The following SUGCT variants were observed in gnomAD, a reference collection of about 807,000 sequenced individuals.
SUGCT encodes the protein succinyl-CoA:glutarate-CoA transferase, also known as succinyl-CoA:glutarate CoA-transferase.
A neutral mutation model predicts 55.0 loss-of-function variants in SUGCT; 41 were observed. The observed-to-expected ratio is 0.74, with a 90% CI of 0.58 to 0.97. SUGCT has a LOEUF of 0.97. SUGCT is among the 50% of genes least tolerant of loss of function. The probability of loss-of-function intolerance (pLI) is 0.00; values close to 1 mark genes in which losing one functional copy is unlikely to be tolerated. For synonymous variants in SUGCT, 187 were observed against 200.4 expected (o/e 0.93, Z 0.56); for missense variants, 568 against 547.8 (o/e 1.04, Z -0.37).
At chr7:40,812,690 T>A (rs572950931) in intron 13 of SUGCT, among the ~76,000 whole-genome samples, 171 of 152,246 alleles carry the variant, frequency 1.1e-3, no homozygotes, top group Non-Finnish European at 1.9e-3. Flanking sequence ...TTTTACTAAT[T>A]CTTTGTTTGG....
chr7:40,706,582 G>A (rs1471520774), intron 12 of SUGCT, among the ~76,000 whole-genome samples: 1 of 152,192 alleles, frequency 6.6e-6, no homozygotes, highest in East Asian at 1.9e-4. Context: ...GTTAGAGCAT[G>A]GACTTGATTA....
At chr7:40,752,217 C>T (rs1164424556) in intron 13 of SUGCT, among the ~76,000 whole-genome samples, 9 of 152,096 alleles carry the variant, frequency 5.9e-5, no homozygotes, top group East Asian at 1.9e-4. Flanking sequence ...ATTTCTAATC[C>T]GTGTGTCTCT....
At chr7:41,000,190 C>T in the SUGCT span, among the ~76,000 whole-genome samples, 156 of 152,250 alleles carry the variant, frequency 1.0e-3, no homozygotes, top group African/African-American at 3.7e-3. Flanking sequence ...ATGCATTACT[C>T]ATTATACTTA....
the SUGCT span, among the ~76,000 whole-genome samples, chr7:40,986,730 C>T: frequency 6.6e-5 from 10 of 152,164 alleles, no homozygotes; most frequent in Non-Finnish European, 1.3e-4. Context: ...AACTGTCTTG[C>T]TCATCTGTTC....
chr7:40,664,565 C>G (rs1801505602), intron 12 of SUGCT, among the ~76,000 whole-genome samples: 1 of 152,182 alleles, frequency 6.6e-6, no homozygotes, highest in Non-Finnish European at 1.5e-5. Context: ...TGCTGATTTA[C>G]TGATGTATGT....
intron 9 of SUGCT, among the ~76,000 whole-genome samples, chr7:40,357,690 G>A (rs553485199): frequency 6.6e-6 from 1 of 151,926 alleles, no homozygotes; most frequent in East Asian, 1.9e-4. Context: ...CATGTATCAT[G>A]AGATATTTTT....
At position 40,205,370 on chromosome 7, in the gene SUGCT, G is replaced by A. The variant is rs186238557; in HGVS notation, c.484+10310G>A. Among the ~76,000 whole-genome samples the A allele has an allele frequency of 2.7e-4, 40 of 150,626 alleles. 1 individual carries two copies. The East Asian group carries it at 3.2e-3, about 12-fold the overall frequency. On this transcript the variant is annotated intron_variant, in intron 6 of 13. Transcript: ENST00000335693. ...AAAAGTGACAAAATTGGCCGGGCGC[G>A]GTGGCTCACGCCTGTAATCCCAGCA...
chr7:40,352,647 G>T (rs1797692327), intron 9 of SUGCT, among the ~76,000 whole-genome samples: 1 of 152,244 alleles, frequency 6.6e-6, no homozygotes, highest in Middle Eastern at 3.4e-3. Context: ...TTTTATGGCT[G>T]TGAAATATTC....
intron 6 of SUGCT, among the ~76,000 whole-genome samples, chr7:40,210,265 C>T (rs6957274): frequency 0.46 from 69,276 of 151,224 alleles, 16,079 homozygotes; most frequent in Middle Eastern, 0.63. Flanking sequence ...CCAGGCTGGT[C>T]TCAAACTCCT....
At chr7:40,609,986 G>A (rs1477463609) in intron 12 of SUGCT, among the ~76,000 whole-genome samples, 1 of 152,144 alleles carries the variant, frequency 6.6e-6, no homozygotes, top group Non-Finnish European at 1.5e-5. Context: ...TGAGCTCTTG[G>A]TATTATAGGT....
At chr7:40,948,110 C>T in the SUGCT span, among the ~76,000 whole-genome samples, 17 of 152,058 alleles carry the variant, frequency 1.1e-4, no homozygotes, top group South Asian at 2.1e-4. Context: ...CAAAGAAACC[C>T]GTTGCATATC....
intron 9 of SUGCT, among the ~76,000 whole-genome samples, chr7:40,397,753 T>G (rs866640515): frequency 2.6e-5 from 4 of 152,158 alleles, no homozygotes; most frequent in African/African-American, 9.7e-5. Flanking sequence ...GAGAAAGAGC[T>G]TGCTGGTATT....
intron 1 of SUGCT, chr7:40,153,211 A>G: frequency 2.7e-6 from 1 of 374,326 alleles, no homozygotes; most frequent in Non-Finnish European, 5.1e-6. Flanking sequence ...AGGAGATAGC[A>G]ACATTAGTAG....
chr7:40,375,119 A>G (rs528523863), intron 9 of SUGCT, among the ~76,000 whole-genome samples: 6 of 152,316 alleles, frequency 3.9e-5, no homozygotes, highest in Admixed American at 3.9e-4. Context: ...TCACAAAGCT[A>G]CGTGTTCTGA....
chr7:40,498,123 T>C (rs1792087212), intron 12 of SUGCT, among the ~76,000 whole-genome samples: 1 of 152,172 alleles, frequency 6.6e-6, no homozygotes, highest in African/African-American at 2.4e-5. Context: ...TTAGCCAGTT[T>C]CCAAAATGGA....
chr7:40,898,950 T>A, the SUGCT span, among the ~76,000 whole-genome samples: 1 of 152,030 alleles, frequency 6.6e-6, no homozygotes. Context: ...ACTGCCACAT[T>A]TAAGTGAAAG....
chr7:40,830,948 A>C lies in SUGCT; in HGVS notation c.1154-29368A>C, dbSNP rs118067392. ...AAAAGCAACATTCAACTGTCTGGTAAATGCTGCTGAAGATTGTAATAATCA... is the reference window on the plus strand; with the variant it reads ...AAAAGCAACATTCAACTGTCTGGTACATGCTGCTGAAGATTGTAATAATCA... On this transcript the variant is annotated intron_variant, in intron 13 of 13. Transcript: ENST00000335693. Among the ~76,000 whole-genome samples the C allele has an allele frequency of 5.9e-5, 9 of 152,308 alleles. No individual in the cohort carries two copies. The East Asian group carries it at 1.7e-3, about 29-fold the overall frequency.
At chr7:40,842,423 C>CTATTA (rs1793324707) in intron 13 of SUGCT, among the ~76,000 whole-genome samples, 1 of 152,060 alleles carries the variant, frequency 6.6e-6, no homozygotes, top group Non-Finnish European at 1.5e-5. Flanking sequence ...TGGAGTCTTA[C>CTATTA]CTATTACTGT....
chr7:40,157,840 A>T (rs1783970395), intron 1 of SUGCT, among the ~76,000 whole-genome samples: 1 of 152,124 alleles, frequency 6.6e-6, no homozygotes, highest in Non-Finnish European at 1.5e-5. Flanking sequence ...TAATGATCTC[A>T]TTGATAAAGG....
Sources: allele counts gnomAD v4.1 joint callset (sites outside exome capture counted in the v4.1 genomes callset), GRCh38; gene constraint gnomAD v4.1.1; transcripts MANE v1.5; gene names NCBI Gene and HGNC (gene_info 2026-07-23, HGNC 2026-07-21).